The following METTL23 variants were observed in gnomAD, a reference collection of about 807,000 sequenced individuals.
The protein encoded by METTL23 is histone-arginine methyltransferase METTL23.
Under a neutral mutation model 21.2 loss-of-function variants are expected in METTL23, and 24 were observed. That is an observed-to-expected ratio of 1.13 (90% CI 0.82 to 1.59). METTL23 has a LOEUF of 1.59. Ranked by LOEUF, METTL23 falls within the 40% of genes most tolerant of loss-of-function variation. The pLI is 0.00. For missense variants in METTL23, 276 were observed against 221.4 expected, an observed-to-expected ratio of 1.25 and a Z score of -1.57; for synonymous variants, 97 against 75.2, an observed-to-expected ratio of 1.29 and a Z score of -1.50.
At chr17:76,728,638 T>A (rs2077067504) in intron 1 of METTL23, among the ~76,000 whole-genome samples, 1 of 152,066 alleles carries the variant, frequency 6.6e-6, no homozygotes, top group African/African-American at 2.4e-5. Flanking sequence ...CTTGAACTCC[T>A]GACCTCAGGT....
At position 76,733,715 on chromosome 17, in the gene METTL23, T is replaced by C; in HGVS notation, c.*29T>C. ...ATACCTACAACCTGTTCTGGGACAG[T>C]ATCAATACTGATGAGCAACCTGGCA... On this transcript the variant is annotated 3_prime_UTR_variant, in exon 5 of 5. Coordinates refer to ENST00000341249, the MANE Select transcript of METTL23 (RefSeq NM_001080510.5). 6.3e-7 allele frequency: 1 copy of C among 1,587,418 alleles called. No individual in the cohort carries two copies. Among genetic ancestry groups the C allele is most frequent in the Non-Finnish European group, 8.6e-7 (1 of 1,166,820 alleles).
In METTL23 at chr17:76,733,093, A is replaced by G; in HGVS notation, c.200A>G (p.Gln67Arg). ...HCLEVCRQSC[Q>R]MNNLPHLQVV... ...CTGGAAGTCTGTCGGCAAAGCTGCC[A>G]AATGAATAACCTGCCACATCTGCAG... The change falls in exon 3 of 5, where the codon CAA becomes CGA. Residue 67 changes from glutamine (Q) to arginine (R), a missense_variant. Coordinates refer to ENST00000341249, the MANE Select transcript of METTL23 (RefSeq NM_001080510.5). 1 of 1,612,714 alleles carries G rather than the reference A, an allele frequency of 6.2e-7. No individual in the cohort carries two copies. The highest frequency in any genetic ancestry group is 1.7e-5 in the Admixed American group (1 of 59,792).
At chr17:76,728,417 T>TTTTTTTTGTTTGTTTGTTTGTTTG (rs2077052643) in intron 1 of METTL23, among the ~76,000 whole-genome samples, 1 of 126,946 alleles carries the variant, frequency 7.9e-6, no homozygotes, top group African/African-American at 3.6e-5. Context: ...CACGGATTTT[T>TTTTTTTTGTTTGTTTGTTTGTTTG]TTTTTTTTTT....
intron 2 of METTL23, among the ~76,000 whole-genome samples, chr17:76,732,201 A>C (rs1440156260): frequency 7.0e-6 from 1 of 142,236 alleles, no homozygotes; most frequent in Admixed American, 6.7e-5. Flanking sequence ...CTACTAAAAA[A>C]TACAAAATAC....
intron 2 of METTL23, 108 bp from the exon 3 acceptor site, chr17:76,732,870 C>T: frequency 1.1e-6 from 1 of 886,020 alleles, no homozygotes; most frequent in South Asian, 1.6e-5. Flanking sequence ...GAAAGACTGA[C>T]TCTATGCTTA....
At chr17:76,726,279 C>G (rs2076930790), upstream of METTL23, 5 of 1,498,364 alleles carry the variant, frequency 3.3e-6, no homozygotes, top group Non-Finnish European at 4.4e-6. Context: ...GCCTCGGGCC[C>G]AGAGAAAGGT....
upstream of METTL23, chr17:76,726,317 G>GGT (rs2076932686): frequency 1.3e-6 from 2 of 1,539,274 alleles, no homozygotes; most frequent in Admixed American, 2.0e-5. Context: ...GCCGATGCCC[G>GGT]GCCTGGCCAC....
intron 3 of METTL23, 34 bp downstream of exon 3, chr17:76,733,249 A>C: frequency 6.2e-7 from 1 of 1,612,772 alleles, no homozygotes; most frequent in Middle Eastern, 1.6e-4. Context: ...ACATTTGGCC[A>C]GTGATGCTAT....
intron 1 of METTL23, among the ~76,000 whole-genome samples, chr17:76,728,057 T>C (rs1297740310): frequency 1.3e-5 from 2 of 152,118 alleles, no homozygotes; most frequent in African/African-American, 2.4e-5. Context: ...CTGGGCAATA[T>C]AGTGATACTA....
At chr17:76,732,766 A>C in intron 2 of METTL23, 1 of 589,388 alleles carries the variant, frequency 1.7e-6, no homozygotes, top group Non-Finnish European at 3.0e-6. Flanking sequence ...ATTGAAGGTT[A>C]AGCTTTTACC....
At chr17:76,731,053 G>A (rs983107967) in intron 2 of METTL23, among the ~76,000 whole-genome samples, 1 of 151,774 alleles carries the variant, frequency 6.6e-6, no homozygotes, top group Non-Finnish European at 1.5e-5. Flanking sequence ...CTTGCAGTGA[G>A]CCGAGATCGC....
At position 76,733,626 on chromosome 17, in the gene METTL23, C is replaced by G; in HGVS notation, c.513C>G (p.Thr171=). ...ACAAAGAAGATATAGCAGAATCTAC[C>G]CTTCCAGGAAGACATACAGTTGAAA... ...DADKEDIAES[T]LPGRHTVEML... The change falls in exon 5 of 5, where the codon ACC becomes ACG. Residue 171 remains threonine (T), a synonymous_variant. Coordinates refer to ENST00000341249, the MANE Select transcript of METTL23 (RefSeq NM_001080510.5). 1 of 1,613,760 alleles carries G rather than the reference C, an allele frequency of 6.2e-7. No homozygotes were observed. Among genetic ancestry groups the G allele is most frequent in the South Asian group, 1.1e-5 (1 of 91,044 alleles).
chr17:76,726,740 C>T (rs542831811), upstream of METTL23: 3 of 494,558 alleles, frequency 6.1e-6, no homozygotes, highest in African/African-American at 5.9e-5. Context: ...TACTCCTTCA[C>T]ATACGGCGGG....
At chr17:76,730,858 C>T (rs574361615) in intron 2 of METTL23, among the ~76,000 whole-genome samples, 1 of 152,048 alleles carries the variant, frequency 6.6e-6, no homozygotes, top group Admixed American at 6.6e-5. Context: ...AATCCCAGCA[C>T]TTTGGGAGGC....
In METTL23 at chr17:76,733,346, G is replaced by A. The variant is rs573861185; in HGVS notation, c.376G>A (p.Val126Ile). The part of the protein sequence containing the change: ...IYFLMHKNPK[V>I]QLWSTYQVRS... ...TTTTTTGATGCACAAGAATCCCAAG[G>A]TCCAATTGTGGTCTACTTATCAAGT... The change falls in exon 4 of 5, where the codon GTC (valine) becomes ATC (isoleucine). Residue 126 changes from valine (V) to isoleucine (I), a missense_variant. Coordinates refer to ENST00000341249, the MANE Select transcript of METTL23 (RefSeq NM_001080510.5). The A allele has an allele frequency of 1.2e-6, 2 of 1,613,870 alleles. No individual in the cohort carries two copies. The highest frequency in any genetic ancestry group is 2.7e-5 in the African/African-American group (2 of 75,020).
chr17:76,733,180 T>C lies in METTL23; in HGVS notation c.287T>C (p.Ile96Thr). The C allele has an allele frequency of 1.2e-6, 2 of 1,613,888 alleles. No individual in the cohort carries two copies. Among genetic ancestry groups the C allele is most frequent in the South Asian group, 1.1e-5 (1 of 91,048 alleles). ...CTTCTGGCTCTACCACCACAAGATATTATCCTTGCATCTGATGTGTTCTTT... is the reference window on the plus strand; with the variant it reads ...CTTCTGGCTCTACCACCACAAGATACTATCCTTGCATCTGATGTGTTCTTT... ...WDLLALPPQDIILASDVFFEP... is the reference protein window; with the variant it reads ...WDLLALPPQDTILASDVFFEP... Residue 96 changes from isoleucine to threonine, a missense_variant, in exon 3 of 5, where the codon ATT (isoleucine) becomes ACT (threonine). By Grantham distance (89) the Ile-to-Thr change is moderately conservative. Transcript: ENST00000341249.
intron 2 of METTL23, among the ~76,000 whole-genome samples, chr17:76,730,613 T>C (rs2077161718): frequency 1.3e-5 from 2 of 152,238 alleles, no homozygotes; most frequent in African/African-American, 4.8e-5. Flanking sequence ...TCATGCAGCC[T>C]TTTTATATTC....
chr17:76,726,945 T>C lies in METTL23; in HGVS notation c.-255T>C. The C allele has an allele frequency of 4.4e-6, 2 of 456,952 alleles. No homozygotes were observed. Among genetic ancestry groups the C allele is most frequent in the South Asian group, 1.5e-5 (1 of 64,572 alleles). 28.3% of individuals were successfully genotyped at this position (456,952 alleles called of 1,614,324 possible). Reference sequence around the variant, plus strand: ...AGCGCGGCAGGGTTATCACCAGATCTGGGCTTTCCCCTTCTTGCCGTCAGG... The same window carrying C: ...AGCGCGGCAGGGTTATCACCAGATCCGGGCTTTCCCCTTCTTGCCGTCAGG... On this transcript the variant is annotated 5_prime_UTR_variant, in exon 1 of 5. Transcript: ENST00000341249.
At chr17:76,728,911 A>C (rs548048176) in intron 1 of METTL23, among the ~76,000 whole-genome samples, 1 of 145,638 alleles carries the variant, frequency 6.9e-6, no homozygotes, top group South Asian at 2.1e-4. Context: ...TTCCTGTCTC[A>C]GCCTCCGGAG....
Sources: gnomAD v4.1 joint callset for allele counts (sites outside exome capture counted in the v4.1 genomes callset) on GRCh38, gnomAD v4.1.1 for gene constraint, MANE v1.5 for transcripts, NCBI Gene and HGNC (gene_info 2026-07-23, HGNC 2026-07-21) for gene names.